STK36: variants seen among roughly 807,000 people sequenced by gnomAD.
STK36 encodes serine/threonine kinase 36, also known as serine/threonine-protein kinase 36.
Under a neutral mutation model 142.2 loss-of-function variants are expected in STK36, and 116 were observed. The ratio of observed to expected loss-of-function variants is 0.82; its 90% CI spans 0.70 to 0.95. The LOEUF is 0.95. Among genes scored for constraint, STK36 ranks in the 40% least tolerant of loss-of-function variants. The probability of loss-of-function intolerance (pLI) is 0.00; values close to 1 mark genes in which losing one functional copy is unlikely to be tolerated. For missense variants in STK36, 1,422 were observed against 1,617.2 expected (o/e 0.88, Z 2.07); for synonymous variants, 619 against 641.7 (o/e 0.96, Z 0.53).
chr2:218,684,151 G>T (rs1245930391), intron 10 of STK36, among the ~76,000 whole-genome samples: 12 of 116,350 alleles, frequency 1.0e-4, no homozygotes, highest in African/African-American at 3.5e-4. Flanking sequence ...CACTCTTGTT[G>T]CCCAGGCTGG....
chr2:218,685,368 C>G lies in STK36; in HGVS notation c.1380+140C>G, dbSNP rs909921602. 7 of 1,099,024 alleles carry G rather than the reference C, an allele frequency of 6.4e-6. No individual in the cohort carries two copies. The African/African-American group carries it at 1.1e-4, about 17-fold the overall frequency. 68.1% of individuals were successfully genotyped at this position (1,099,024 alleles called of 1,614,324 possible). A position where few individuals can be genotyped will look rare whatever the true frequency, so the allele number is the denominator to read the frequency against. On this transcript the variant is annotated intron_variant, in intron 11 of 26. Transcript: ENST00000295709. ...TATCTGCTTAGTTTGAGGAGGTTTA[C>G]CAACCTCCTTTAGTAACACAGAAAG...
In STK36 at chr2:218,697,759, A is replaced by G. The variant is rs569544016; in HGVS notation, c.2910-95A>G. 36 of 1,598,494 alleles carry G rather than the reference A, an allele frequency of 2.3e-5. 1 individual carries two copies. In the South Asian group the frequency reaches 3.8e-4, roughly 17 times the overall value. Reference sequence around the variant, plus strand: ...AAACCTAAGTAGTGGCTGAGACTGTAGAAGGGGAGTTGGGCAAAGGAATTG... The same window carrying G: ...AAACCTAAGTAGTGGCTGAGACTGTGGAAGGGGAGTTGGGCAAAGGAATTG... On this transcript the variant is annotated intron_variant, in intron 24 of 26. Coordinates refer to ENST00000295709, the MANE Select transcript of STK36 (RefSeq NM_015690.5).
intron 23 of STK36, 88 bp downstream of exon 23, chr2:218,697,301 T>G: frequency 6.5e-7 from 1 of 1,532,886 alleles, no homozygotes; most frequent in Non-Finnish European, 8.7e-7. Flanking sequence ...CACAGAGGTT[T>G]ATTTTTTTTG....
intron 1 of STK36, 26 bp downstream of exon 1, chr2:218,672,241 G>A: frequency 1.8e-6 from 1 of 546,246 alleles, no homozygotes; most frequent in East Asian, 3.1e-5. Flanking sequence ...GAAAGAGACC[G>A]GAGGGAGAGG....
At chr2:218,699,453 T>G in intron 26 of STK36, 105 bp downstream of exon 26, 1 of 1,465,712 alleles carries the variant, frequency 6.8e-7, no homozygotes, top group Non-Finnish European at 9.1e-7. Flanking sequence ...ATGGAGAAAC[T>G]TATGCCGTGT....
Position 218,688,841 on chromosome 2 carries a change from C to G in STK36, c.1525C>G (p.Leu509Val). Reference sequence around the variant, plus strand: ...GCTTCCTGGGCTGCTGCTGAGTCTACTCAGGCACAGTCAGGAGAGCAACAG... The same window carrying G: ...GCTTCCTGGGCTGCTGCTGAGTCTAGTCAGGCACAGTCAGGAGAGCAACAG... ...AGLPGLLLSL[L>V]RHSQESNSLQ... Residue 509 changes from leucine (L) to valine (V), a missense_variant, in exon 12 of 27, where the codon CTC becomes GTC. Coordinates refer to ENST00000295709, the MANE Select transcript of STK36 (RefSeq NM_015690.5). 6.2e-7 allele frequency: 1 copy of G among 1,613,028 alleles called. No homozygotes were observed. The highest frequency in any genetic ancestry group is 8.5e-7 in the Non-Finnish European group (1 of 1,179,814).
At chr2:218,688,012 G>T (rs981004817) in intron 11 of STK36, among the ~76,000 whole-genome samples, 1 of 152,140 alleles carries the variant, frequency 6.6e-6, no homozygotes, top group Non-Finnish European at 1.5e-5. Context: ...ACAAAAATTA[G>T]CTAGGTGTGG....
In STK36 at chr2:218,694,007, C is replaced by T; in HGVS notation, c.2336+24C>T. The T allele has an allele frequency of 6.2e-7, 1 of 1,609,386 alleles. No homozygotes were observed. Among genetic ancestry groups the T allele is most frequent in the Non-Finnish European group, 8.5e-7 (1 of 1,175,740 alleles). On this transcript the variant is annotated intron_variant, in intron 19 of 26. Transcript: ENST00000295709. The surrounding 1 kb of genome is among the most constrained non-coding windows in gnomAD (Gnocchi z 4.4). ...GGGTAAGTCATAAAGTAGGGTGTCT[C>T]CACAGAAGTCTTCTAGCCACATAGC...
intron 14 of STK36, among the ~76,000 whole-genome samples, chr2:218,691,721 A>AT (rs922888154): frequency 5.3e-5 from 8 of 151,548 alleles, no homozygotes; most frequent in Non-Finnish European, 7.4e-5. Flanking sequence ...AGACCTGGCT[A>AT]TTTTTTTTGG....
At position 218,693,264 on chromosome 2, in the gene STK36, C is replaced by T. The variant is rs1340147016; in HGVS notation, c.2068C>T (p.Leu690=). ...GGTCTGTTGGCATTTGGCAAATCAG[C>T]TAACTGAAGACAGCAGCCAGCTCAG... ...EQVCWHLANQ[L]TEDSSQLRPS... The change falls in exon 17 of 27, where the codon CTA becomes TTA. Residue 690 remains leucine, a synonymous_variant. Coordinates refer to ENST00000295709, the MANE Select transcript of STK36 (RefSeq NM_015690.5). 6.2e-7 allele frequency: 1 copy of T among 1,614,084 alleles called. No individual in the cohort carries two copies.
chr2:218,699,677 GCTGA>G (rs571134188), intron 26 of STK36, among the ~76,000 whole-genome samples: 27 of 151,252 alleles, frequency 1.8e-4, no homozygotes, highest in Admixed American at 1.5e-3. Context: ...CCATGAAGGT[GCTGA>G]CTATTTTTTT....
chr2:218,695,619 C>T (rs185948391), intron 21 of STK36, among the ~76,000 whole-genome samples: 132 of 144,106 alleles, frequency 9.2e-4, no homozygotes, highest in Non-Finnish European at 1.5e-3. Flanking sequence ...CTACAACCTC[C>T]GCCTCCCAGG....
intron 6 of STK36, among the ~76,000 whole-genome samples, chr2:218,678,104 T>C (rs1426401344): frequency 6.6e-6 from 1 of 152,110 alleles, no homozygotes; most frequent in Non-Finnish European, 1.5e-5. Context: ...ATTTCTTTTT[T>C]AATTAATTAA....
Position 218,673,752 on chromosome 2 carries a change from A to G in STK36, c.212A>G (p.Glu71Gly). 6.2e-7 allele frequency: 1 copy of G among 1,614,068 alleles called. No individual in the cohort carries two copies. The highest frequency in any genetic ancestry group is 1.1e-5 in the South Asian group (1 of 91,050). The change falls in exon 3 of 27, where the codon GAA (glutamate) becomes GGA (glycine). Residue 71 changes from glutamate to glycine, a missense_variant. Physicochemically the swap from Glu to Gly is moderately conservative, Grantham distance 98. This residue lies in a region of STK36 where 460 missense variants were observed against 449.6 expected (regional missense o/e 1.02). Transcript: ENST00000295709. ...PNIVHMLDSF[E>G]TDKEVVVVTD... The stretch of plus-strand genomic sequence containing the variant: ...ATTGTGCATATGCTTGACAGCTTTG[A>G]AACTGATAAAGAGGTGTGCTTTGAC...
At chr2:218,673,371 C>T in intron 2 of STK36, 1 of 484,450 alleles carries the variant, frequency 2.1e-6, no homozygotes, top group Non-Finnish European at 3.6e-6. Context: ...ATCTTGAGTG[C>T]TGGTCAAATC....
rs2106348350 is a variant in STK36 at position 218,680,087 on chromosome 2, A to G, written c.1136+7A>G. 1 of 1,613,650 alleles carries G rather than the reference A, an allele frequency of 6.2e-7. No individual in the cohort carries two copies. Among genetic ancestry groups the G allele is most frequent in the Non-Finnish European group, 8.5e-7 (1 of 1,179,812 alleles). ...AGGTGCCCTCTGCACCTCGGTGAGA[A>G]GGGTATAGTTAGGGATTTGTAGGGT... On this transcript the variant is annotated splice_region_variant and intron_variant, in intron 9 of 26. Transcript: ENST00000295709.
Position 218,693,319 on chromosome 2 carries a change from C to G in STK36, c.2123C>G (p.Pro708Arg), listed in dbSNP as rs374588802. 1.3e-5 allele frequency: 21 copies of G among 1,614,022 alleles called. No homozygotes were observed. The highest frequency in any genetic ancestry group is 2.7e-5 in the African/African-American group (2 of 74,896). ...RPSLISGLQH[P>R]ILCLHLLKVL... is the part of the protein sequence containing the mutation. Reference sequence around the variant, plus strand: ...TCCCTCATCTCTGGCCTGCAGCATCCCATCCTGTGCCTGCACCTTCTCAAG... The same window carrying G: ...TCCCTCATCTCTGGCCTGCAGCATCGCATCCTGTGCCTGCACCTTCTCAAG... Residue 708 changes from proline to arginine, a missense_variant, in exon 17 of 27, where the codon CCC (proline) becomes CGC (arginine). Transcript: ENST00000295709.
intron 22 of STK36, chr2:218,696,824 C>T: frequency 1.1e-6 from 1 of 916,836 alleles, no homozygotes; most frequent in South Asian, 1.3e-5. Context: ...AATGAATTCC[C>T]TGGGTTTCAG....
rs376277464 is a variant in STK36, at chr2:218,679,736, G to A, written c.948+7G>A. The A allele has an allele frequency of 6.0e-4, 967 of 1,613,968 alleles. 1 individual carries two copies. The highest frequency in any genetic ancestry group is 7.4e-4 in the Non-Finnish European group (869 of 1,179,978). On this transcript the variant is annotated splice_region_variant and intron_variant, in intron 8 of 26. Coordinates refer to ENST00000295709, the MANE Select transcript of STK36 (RefSeq NM_015690.5). ...TGAGGAGGCCATGCAGAAGGTGTGT[G>A]GGGCAGAGGAAAATATGTGAAATGA... is the stretch of plus-strand genomic sequence containing the variant.
Sources: gnomAD v4.1 joint callset for allele counts (sites outside exome capture counted in the v4.1 genomes callset) on GRCh38, gnomAD v4.1.1 for gene constraint, gnomAD v4.1.1 regional missense constraint, Gnocchi (gnomAD v3.1) non-coding constraint, MANE v1.5 for transcripts, NCBI Gene and HGNC (gene_info 2026-07-23, HGNC 2026-07-21) for gene names.